Variants in RUVBL1 observed in about 807,000 individuals in gnomAD.
RUVBL1 encodes ruvB-like 1.
A neutral mutation model predicts 52.4 loss-of-function variants in RUVBL1; 4 were observed. The ratio of observed to expected loss-of-function variants is 0.08; its 90% CI spans 0.04 to 0.17. The LOEUF is 0.17. RUVBL1 is among the 10% of genes least tolerant of loss of function. The pLI, the probability that RUVBL1 is intolerant of heterozygous loss-of-function variation, is 1.00. For missense variants in RUVBL1, 298 were observed against 572.8 expected (o/e 0.52, Z 4.90); for synonymous variants, 217 against 214.4 (o/e 1.01, Z -0.10).
At chr3:128,088,596 A>C (rs1576446147) in intron 8 of RUVBL1, among the ~76,000 whole-genome samples, 1 of 150,974 alleles carries the variant, frequency 6.6e-6, no homozygotes, top group East Asian at 1.9e-4. Flanking sequence ...ATGTTGCTTC[A>C]GTCTCCTTGT....
chr3:128,152,888 T>TCCTC (rs1464532305), intron 1 of RUVBL1, among the ~76,000 whole-genome samples: 3 of 22,318 alleles, frequency 1.3e-4, no homozygotes, highest in South Asian at 4.3e-3. Context: ...ATTTGCCCCC[T>TCCTC]CCCCCACGTC....
intron 1 of RUVBL1, among the ~76,000 whole-genome samples, chr3:128,122,655 G>A (rs1943675908): frequency 6.6e-6 from 1 of 152,194 alleles, no homozygotes; most frequent in South Asian, 2.1e-4. Flanking sequence ...AGGCTAAGAG[G>A]CAGTAGCTTA....
intron 7 of RUVBL1, 120 bp from the exon 8 acceptor site, chr3:128,097,618 A>G: frequency 1.2e-6 from 1 of 812,090 alleles, no homozygotes; most frequent in Non-Finnish European, 2.0e-6. Flanking sequence ...CCTACTAGCT[A>G]TGTGATCCCA....
At chr3:128,075,834 G>A (rs1942302074), downstream of RUVBL1, 1 of 152,478 alleles carries the variant, frequency 6.6e-6, no homozygotes, top group African/African-American at 2.4e-5. Context: ...GAGGGGAAAA[G>A]TGAGAGTGGC....
intron 1 of RUVBL1, 30 bp downstream of exon 1, chr3:128,123,554 G>T (rs1559830056): frequency 6.4e-7 from 1 of 1,553,122 alleles, no homozygotes; most frequent in African/African-American, 1.4e-5. Flanking sequence ...CCTGCTTGCA[G>T]CCCCCAACTC....
chr3:128,100,184 C>T (rs1943079405), intron 6 of RUVBL1, among the ~76,000 whole-genome samples: 1 of 152,228 alleles, frequency 6.6e-6, no homozygotes. Context: ...CAGCTCAAAG[C>T]TAAAACACTG....
At chr3:128,075,648 G>C (rs1237196154) in intron 9 of RUVBL1, among the ~76,000 whole-genome samples, 1 of 151,292 alleles carries the variant, frequency 6.6e-6, no homozygotes, top group African/African-American at 2.4e-5. Context: ...TTGGAATCTC[G>C]GATCCCTGGG....
chr3:128,087,229 T>A (rs1942673427), intron 9 of RUVBL1, among the ~76,000 whole-genome samples: 1 of 152,208 alleles, frequency 6.6e-6, no homozygotes, highest in African/African-American at 2.4e-5. Flanking sequence ...CTACATTCTG[T>A]ACCCTGCTGG....
At chr3:128,103,356 T>C (rs1418681131) in intron 4 of RUVBL1, among the ~76,000 whole-genome samples, 1 of 152,160 alleles carries the variant, frequency 6.6e-6, no homozygotes, top group Admixed American at 6.5e-5. Context: ...AGAAATCTAA[T>C]TAATTCAGAA....
At chr3:128,137,602 A>G (rs1943966584) in intron 1 of RUVBL1, among the ~76,000 whole-genome samples, 1 of 152,250 alleles carries the variant, frequency 6.6e-6, no homozygotes, top group Admixed American at 6.5e-5. Flanking sequence ...GCTGAATTTT[A>G]CCAAACATTT....
intron 3 of RUVBL1, among the ~76,000 whole-genome samples, chr3:128,108,050 T>C (rs1310605594): frequency 3.3e-5 from 5 of 152,230 alleles, no homozygotes; most frequent in African/African-American, 1.2e-4. Flanking sequence ...GGAAAGGGGC[T>C]GAGCTGGCGC....
intron 1 of RUVBL1, among the ~76,000 whole-genome samples, chr3:128,120,003 A>G (rs1048162341): frequency 4.6e-5 from 7 of 152,230 alleles, no homozygotes; most frequent in Admixed American, 2.6e-4. Context: ...GGTCTTGAAG[A>G]CTATGTGTCA....
At chr3:128,109,154 C>T (rs544647179) in intron 3 of RUVBL1, among the ~76,000 whole-genome samples, 5 of 152,180 alleles carry the variant, frequency 3.3e-5, no homozygotes, top group Non-Finnish European at 7.4e-5. Flanking sequence ...GAGGTGCTGG[C>T]CGTGCTCTGT....
chr3:128,126,137 G>A (rs1399955104), upstream of RUVBL1, among the ~76,000 whole-genome samples: 3 of 152,228 alleles, frequency 2.0e-5, no homozygotes, highest in Admixed American at 6.5e-5. Flanking sequence ...TACGGGTGGG[G>A]ACAGGGAATG....
chr3:128,087,831 C>T (rs776234758), intron 8 of RUVBL1, 23 bp from the exon 9 acceptor site: 35 of 1,441,148 alleles, frequency 2.4e-5, no homozygotes, highest in Non-Finnish European at 3.4e-5. Flanking sequence ...AAATTAATCC[C>T]ATCACCTAAG....
intron 1 of RUVBL1, among the ~76,000 whole-genome samples, chr3:128,152,888 T>TCCCCCCCGCCCCCCCCGC (rs1559843129): frequency 6.8e-3 from 151 of 22,340 alleles, no homozygotes; most frequent in South Asian, 0.022. Context: ...ATTTGCCCCC[T>TCCCCCCCGCCCCCCCCGC]CCCCCACGTC....
At chr3:128,092,522 T>C (rs1044535515) in intron 8 of RUVBL1, among the ~76,000 whole-genome samples, 6 of 150,978 alleles carry the variant, frequency 4.0e-5, no homozygotes, top group Non-Finnish European at 7.4e-5. Flanking sequence ...ACAAAGAACC[T>C]GAATAAAAAA....
At position 128,130,620 on chromosome 3, in the gene RUVBL1, TTTATTTATGTATTTATTTA is replaced by T. The variant is rs1559833179; in HGVS notation, c.-39-11225_-39-11207del. Reference sequence around the variant, plus strand: ...CAAAAAAAAAAAAAAAAAAATTTTATTTATTTATGTATTTATTTATTTATTTATTTATTTATTTATTTAT... The same window carrying T: ...CAAAAAAAAAAAAAAAAAAATTTTATTTTATTTATTTATTTATTTATTTAT... On this transcript the variant is annotated intron_variant, in intron 1 of 9. Transcript: ENST00000464873. Among the ~76,000 whole-genome samples, 54 of 61,526 alleles carry T rather than the reference TTTATTTATGTATTTATTTA, an allele frequency of 8.8e-4. 1 individual carries two copies. Among genetic ancestry groups the T allele is most frequent in the Admixed American group, 4.3e-3 (28 of 6,496 alleles). The allele number at this position is 61,526 out of a possible 152,430, so 40.4% of individuals were successfully genotyped here.
chr3:128,113,066 T>C (rs1274065745), intron 2 of RUVBL1, 46 bp from the exon 3 acceptor site: 2 of 1,602,220 alleles, frequency 1.2e-6, no homozygotes, highest in South Asian at 1.1e-5. Context: ...CCTGAAAACA[T>C]GACAGTTCAG....
Sources: gnomAD v4.1 joint callset for allele counts (sites outside exome capture counted in the v4.1 genomes callset) on GRCh38, gnomAD v4.1.1 for gene constraint, MANE v1.5 for transcripts, NCBI Gene and HGNC (gene_info 2026-07-23, HGNC 2026-07-21) for gene names.